Variants in SOX5 observed in about 807,000 individuals in gnomAD.
SOX5 encodes transcription factor SOX-5.
In SOX5, 9 loss-of-function variants were observed where a neutral mutation model predicts 92.0. That is an observed-to-expected ratio of 0.10 (90% CI 0.06 to 0.17). SOX5 has a LOEUF of 0.17. Among genes scored for constraint, SOX5 ranks in the 10% least tolerant of loss-of-function variants. The pLI is 1.00. For missense variants in SOX5, 642 were observed against 944.5 expected (o/e 0.68, Z 4.20); for synonymous variants, 344 against 336.3 (o/e 1.02, Z -0.25).
At chr12:24,337,185 T>G (rs959124513) in intron 2 of SOX5, among the ~76,000 whole-genome samples, 6 of 151,848 alleles carry the variant, frequency 4.0e-5, no homozygotes, top group Non-Finnish European at 7.4e-5. Context: ...AATTAGCAGG[T>G]TTTTTTTGTA....
At chr12:23,749,908 A>C (rs1222478735) in intron 4 of SOX5, among the ~76,000 whole-genome samples, 1 of 151,886 alleles carries the variant, frequency 6.6e-6, no homozygotes, top group Non-Finnish European at 1.5e-5. Context: ...CCAACAGAAT[A>C]TTAGGTAGTC....
intron 7 of SOX5, among the ~76,000 whole-genome samples, chr12:23,659,692 G>A (rs2082771430): frequency 6.6e-6 from 1 of 152,140 alleles, no homozygotes; most frequent in Non-Finnish European, 1.5e-5. Flanking sequence ...TTTAAAACTG[G>A]CCAGGCACGG....
intron 4 of SOX5, among the ~76,000 whole-genome samples, chr12:23,989,284 C>T (rs1041758575): frequency 2.7e-5 from 4 of 149,948 alleles, no homozygotes; most frequent in Admixed American, 2.0e-4. Context: ...CCCTGCCACT[C>T]GGGGGGCTGA....
At chr12:23,865,473 A>G (rs2096800619) in intron 2 of SOX5, among the ~76,000 whole-genome samples, 1 of 152,162 alleles carries the variant, frequency 6.6e-6, no homozygotes, top group African/African-American at 2.4e-5. Flanking sequence ...CCAGAGATCA[A>G]GACCACCTTG....
chr12:23,737,677 C>T (rs1051749537), intron 5 of SOX5, among the ~76,000 whole-genome samples: 7 of 152,114 alleles, frequency 4.6e-5, no homozygotes, highest in Non-Finnish European at 8.8e-5. Context: ...TCTCTGATTT[C>T]ATCTCATCCC....
intron 4 of SOX5, among the ~76,000 whole-genome samples, chr12:24,166,770 A>G (rs1953462566): frequency 6.6e-6 from 1 of 152,212 alleles, no homozygotes; most frequent in African/African-American, 2.4e-5. Context: ...CATTGTTTGC[A>G]TGCTCTTTGT....
intron 6 of SOX5, among the ~76,000 whole-genome samples, chr12:23,702,360 AG>A (rs1354521706): frequency 1.3e-5 from 2 of 152,056 alleles, no homozygotes; most frequent in African/African-American, 2.4e-5. Context: ...CAAAATTATC[AG>A]CTAAAAGGTC....
At chr12:24,401,833 T>C (rs1409893332) in intron 1 of SOX5, among the ~76,000 whole-genome samples, 1 of 152,108 alleles carries the variant, frequency 6.6e-6, no homozygotes, top group Non-Finnish European at 1.5e-5. Context: ...CTAGCCCTTT[T>C]CAAAAAAAGT....
rs1444359956 is a variant in SOX5, at chr12:24,068,704, G to GTGTA, written c.-2+144638_-2+144639insTACA. ...TATGTGTGTGTGTGTGTGTGTGTGT[G>GTGTA]TATATATATATATATATATATATAT... On this transcript the variant is annotated intron_variant, in intron 4 of 4. Transcript: ENST00000446891. Among the ~76,000 whole-genome samples the GTGTA allele has an allele frequency of 1.9e-3, 138 of 74,270 alleles. 2 individuals carry two copies. Among genetic ancestry groups the GTGTA allele is most frequent in the East Asian group, 3.9e-3 (7 of 1,792 alleles). The allele number at this position is 74,270 out of a possible 152,430, so 48.7% of individuals were successfully genotyped here.
intron 13 of SOX5, among the ~76,000 whole-genome samples, chr12:23,542,862 G>A (rs1300105779): frequency 3.9e-5 from 6 of 152,174 alleles, no homozygotes; most frequent in Non-Finnish European, 7.3e-5. Context: ...GTTGTCTATA[G>A]TATGCAAGGA....
chr12:23,622,056 G>C (rs1399991167), intron 8 of SOX5, among the ~76,000 whole-genome samples: 1 of 152,052 alleles, frequency 6.6e-6, no homozygotes, highest in Admixed American at 6.6e-5. Context: ...GGAGGCCTTG[G>C]TGTATCGAGA....
chr12:23,973,946 C>T (rs1948634573), intron 4 of SOX5, among the ~76,000 whole-genome samples: 1 of 152,320 alleles, frequency 6.6e-6, no homozygotes, highest in South Asian at 2.1e-4. Flanking sequence ...CACTCCCTGC[C>T]TGTGCCTGAA....
rs202074546 is a variant in SOX5 at position 23,845,372 on chromosome 12, G to C, written c.481+611C>G. Among the ~76,000 whole-genome samples, 23 of 151,994 alleles carry C rather than the reference G, an allele frequency of 1.5e-4. No individual in the cohort carries two copies. The East Asian group carries it at 4.3e-3, about 28-fold the overall frequency. On this transcript the variant is annotated intron_variant, in intron 3 of 14. Transcript: ENST00000451604. ...CAACAGTTATTTTATTGGCTTGTTT[G>C]CTTTAATTTTAAGATTAGTCCATTT...
intron 4 of SOX5, among the ~76,000 whole-genome samples, chr12:24,110,029 C>T (rs938849676): frequency 6.6e-6 from 1 of 152,178 alleles, no homozygotes; most frequent in African/African-American, 2.4e-5. Context: ...AGGACACATT[C>T]AGATCATAGC....
At chr12:24,113,875 C>A (rs1175334860) in intron 4 of SOX5, among the ~76,000 whole-genome samples, 5 of 152,192 alleles carry the variant, frequency 3.3e-5, no homozygotes, top group Admixed American at 1.3e-4. Context: ...AGAGGGAAAG[C>A]TTGGCAGTTA....
chr12:23,833,391 G>A (rs2096362766), intron 3 of SOX5, among the ~76,000 whole-genome samples: 1 of 151,934 alleles, frequency 6.6e-6, no homozygotes, highest in Non-Finnish European at 1.5e-5. Flanking sequence ...AAGGGTGCTT[G>A]TCTCCATTAT....
chr12:24,514,740 A>G (rs2138371477), intron 1 of SOX5, among the ~76,000 whole-genome samples: 1 of 152,334 alleles, frequency 6.6e-6, no homozygotes, highest in Non-Finnish European at 1.5e-5. Context: ...GGATGAGCTC[A>G]TATCCTTTGC....
Position 23,774,452 on chromosome 12 carries a change from T to A in SOX5, c.482-18728A>T, listed in dbSNP as rs1351091195. On this transcript the variant is annotated intron_variant, in intron 3 of 14. Transcript: ENST00000451604. Reference sequence around the variant, plus strand: ...AAAAGACTGCCATTGAAAAATAATATTTTTATTTTTCTTCCTTTGCACCCA... The same window carrying A: ...AAAAGACTGCCATTGAAAAATAATAATTTTATTTTTCTTCCTTTGCACCCA... Among the ~76,000 whole-genome samples the A allele has an allele frequency of 2.0e-5, 3 of 152,208 alleles. No homozygotes were observed. In the East Asian group the frequency reaches 5.8e-4, roughly 29 times the overall value.
intron 6 of SOX5, among the ~76,000 whole-genome samples, chr12:23,707,491 ACT>A (rs2091537129): frequency 6.6e-6 from 1 of 152,042 alleles, no homozygotes; most frequent in Admixed American, 6.6e-5. Flanking sequence ...GTCCCAGGAA[ACT>A]CTGCATTCTG....
Sources: gnomAD v4.1 joint callset for allele counts (sites outside exome capture counted in the v4.1 genomes callset) on GRCh38, gnomAD v4.1.1 for gene constraint, MANE v1.5 for transcripts, NCBI Gene and HGNC (gene_info 2026-07-23, HGNC 2026-07-21) for gene names.